The following ATP10B variants were observed in gnomAD, a reference collection of about 807,000 sequenced individuals.
ATP10B encodes ATPase phospholipid transporting 10B (putative).
Under a neutral mutation model 141.2 loss-of-function variants are expected in ATP10B, and 122 were observed. That is an observed-to-expected ratio of 0.86 (90% CI 0.75 to 1.00). The LOEUF (loss-of-function observed/expected upper bound fraction) is 1.00. Among genes scored for constraint, ATP10B ranks in the 50% least tolerant of loss-of-function variants. The probability of loss-of-function intolerance (pLI) is 0.00; values close to 1 mark genes in which losing one functional copy is unlikely to be tolerated. For missense variants in ATP10B, 1,876 were observed against 1,825.3 expected (o/e 1.03, Z -0.51); for synonymous variants, 685 against 692.0 (o/e 0.99, Z 0.16).
In ATP10B at chr5:160,617,868, T is replaced by C; in HGVS notation, c.2522A>G (p.Lys841Arg). 1 of 1,613,656 alleles carries C rather than the reference T, an allele frequency of 6.2e-7. No individual in the cohort carries two copies. The highest frequency in any genetic ancestry group is 1.1e-5 in the South Asian group (1 of 91,066). Residue 841 changes from lysine (K) to arginine (R), a missense_variant, in exon 16 of 26, where the codon AAG (lysine) becomes AGG (arginine). Lys to Arg is a conservative substitution (Grantham distance 26). Transcript: ENST00000327245. ...GCTTGGAGGAATTGTTCTTACCTTC[T>C]TGGCAATGCATAGTGTGCGCAGGCC... ...RDGLRTLCIA[K>R]KVVSEEDFRR...
the ATP10B span, among the ~76,000 whole-genome samples, chr5:160,919,790 C>T: frequency 2.0e-5 from 3 of 152,290 alleles, no homozygotes; most frequent in Admixed American, 1.3e-4. Context: ...GCAGCCATCT[C>T]GGGTCGCTAA....
At chr5:160,881,788 G>T in the ATP10B span, among the ~76,000 whole-genome samples, 2 of 151,804 alleles carry the variant, frequency 1.3e-5, no homozygotes, top group South Asian at 2.1e-4. Context: ...TCCAGCCTGG[G>T]TGACAGAGCA....
chr5:160,736,541 A>C (rs1767123169), intron 2 of ATP10B, among the ~76,000 whole-genome samples: 1 of 152,192 alleles, frequency 6.6e-6, no homozygotes, highest in Non-Finnish European at 1.5e-5. Flanking sequence ...AGGCAGGAGG[A>C]TCATGAGGTC....
chr5:160,700,655 A>G (rs1387205216), intron 3 of ATP10B, among the ~76,000 whole-genome samples: 2 of 152,178 alleles, frequency 1.3e-5, no homozygotes, highest in African/African-American at 2.4e-5. Context: ...CACACTTCCA[A>G]AAAATAGCAG....
chr5:160,806,598 G>A (rs1772787076), intron 1 of ATP10B, among the ~76,000 whole-genome samples: 1 of 152,312 alleles, frequency 6.6e-6, no homozygotes, highest in East Asian at 1.9e-4. Context: ...GGAAGGGGGG[G>A]ATAATGATGA....
At chr5:160,677,587 G>A (rs1476522705) in intron 6 of ATP10B, among the ~76,000 whole-genome samples, 3 of 152,194 alleles carry the variant, frequency 2.0e-5, no homozygotes, top group Non-Finnish European at 1.5e-5. Flanking sequence ...ACTCGAGCCT[G>A]TGGTCATTCT....
At chr5:160,810,205 G>GT (rs1386918685) in intron 1 of ATP10B, among the ~76,000 whole-genome samples, 2 of 151,618 alleles carry the variant, frequency 1.3e-5, no homozygotes, top group African/African-American at 4.8e-5. Flanking sequence ...ATTGTACTAG[G>GT]TTTTTTGTAT....
chr5:160,926,146 A>T, the ATP10B span, among the ~76,000 whole-genome samples: 1 of 152,196 alleles, frequency 6.6e-6, no homozygotes, highest in Non-Finnish European at 1.5e-5. Context: ...AGTAGGCATG[A>T]TAGTAGGCAC....
intron 7 of ATP10B, among the ~76,000 whole-genome samples, chr5:160,668,154 C>T (rs974481414): frequency 6.7e-6 from 1 of 149,236 alleles, no homozygotes; most frequent in Admixed American, 6.8e-5. Flanking sequence ...AACCCTTGAA[C>T]CCAGTAGGCA....
At chr5:160,693,162 T>A (rs1467107215) in intron 3 of ATP10B, among the ~76,000 whole-genome samples, 1 of 151,996 alleles carries the variant, frequency 6.6e-6, no homozygotes, top group Middle Eastern at 3.2e-3. Context: ...AAAAACTAAA[T>A]GTAATGCATA....
chr5:160,729,721 A>C (rs1316148514), intron 2 of ATP10B, among the ~76,000 whole-genome samples: 1 of 152,206 alleles, frequency 6.6e-6, no homozygotes, highest in Non-Finnish European at 1.5e-5. Flanking sequence ...GGAAAGAAGA[A>C]AGACACAGAG....
At chr5:160,802,330 A>G (rs1772430267) in intron 1 of ATP10B, among the ~76,000 whole-genome samples, 1 of 152,196 alleles carries the variant, frequency 6.6e-6, no homozygotes, top group South Asian at 2.1e-4. Context: ...GGAAAAAATC[A>G]AGAACACGCC....
At chr5:160,876,565 C>A in the ATP10B span, among the ~76,000 whole-genome samples, 108,103 of 144,486 alleles carry the variant, frequency 0.75, 41,534 homozygotes, top group East Asian at 0.97. Flanking sequence ...TAGAGACACA[C>A]AAAACCCTTC....
At chr5:160,844,578 G>A (rs1468386655) in intron 1 of ATP10B, among the ~76,000 whole-genome samples, 1 of 151,576 alleles carries the variant, frequency 6.6e-6, no homozygotes, top group African/African-American at 2.4e-5. Context: ...AACAGTGTTG[G>A]TCTGTCGCCT....
chr5:160,653,562 ATAT>A (rs1362221215), intron 7 of ATP10B, among the ~76,000 whole-genome samples: 4 of 120,086 alleles, frequency 3.3e-5, no homozygotes, highest in East Asian at 2.3e-4. Context: ...ATATACATAT[ATAT>A]TACATATACA....
intron 3 of ATP10B, among the ~76,000 whole-genome samples, chr5:160,704,914 C>CATCTTTTTTTTTTTTTTTTTTTTTTT: frequency 1.2e-5 from 1 of 83,636 alleles, no homozygotes; most frequent in South Asian, 5.0e-4. Flanking sequence ...TTTCTTTCAT[C>CATCTTTTTTTTTTTTTTTTTTTTTTT]TTTTTTTTTT....
rs116366110 is a variant in ATP10B, at chr5:160,674,410, G to C, written c.471-3743C>G. Among the ~76,000 whole-genome samples, 435 of 152,322 alleles carry C rather than the reference G, an allele frequency of 2.9e-3. 2 individuals carry two copies. The highest frequency in any genetic ancestry group is 1.0e-2 in the African/African-American group (414 of 41,564). On this transcript the variant is annotated intron_variant, in intron 6 of 25. Coordinates refer to ENST00000327245, the MANE Select transcript of ATP10B (RefSeq NM_025153.3). ...GCTGTCACTTCTGTGAGCTGGGCTG[G>C]AGTATTGTCCTGTCAAGTCCTGTCA...
At position 160,781,143 on chromosome 5, in the gene ATP10B, A is replaced by T. The variant is rs150137950; in HGVS notation, c.-331+4416T>A. On this transcript the variant is annotated intron_variant, in intron 2 of 25. Transcript: ENST00000327245. ...CGAAAATAAGAAGAAATCCAGGTGA[A>T]TGACCACAAGGAATTGTCCTTTAGG... Among the ~76,000 whole-genome samples, 73 of 152,342 alleles carry T rather than the reference A, an allele frequency of 4.8e-4. No individual in the cohort carries two copies. In the East Asian group the frequency reaches 0.013, roughly 26 times the overall value.
At chr5:160,819,769 A>G (rs1298697498) in intron 1 of ATP10B, among the ~76,000 whole-genome samples, 1 of 152,176 alleles carries the variant, frequency 6.6e-6, no homozygotes, top group East Asian at 1.9e-4. Flanking sequence ...GCTTAAGATA[A>G]TGGGTTATAA....
Sources: allele counts gnomAD v4.1 joint callset (sites outside exome capture counted in the v4.1 genomes callset), GRCh38; gene constraint gnomAD v4.1.1; transcripts MANE v1.5; gene names NCBI Gene and HGNC (gene_info 2026-07-23, HGNC 2026-07-21).